EBF1: variants seen among roughly 807,000 people sequenced by gnomAD.
EBF1 encodes the protein EBF transcription factor 1, also known as transcription factor COE1.
In EBF1, 10 loss-of-function variants were observed where a neutral mutation model predicts 68.4. The observed-to-expected ratio is 0.15, with a 90% CI of 0.09 to 0.25. The LOEUF (loss-of-function observed/expected upper bound fraction) is 0.25, where lower values mean the gene tolerates loss of function less well. Among genes scored for constraint, EBF1 ranks in the 10% least tolerant of loss-of-function variants. EBF1 has a pLI of 1.00. For synonymous variants in EBF1, 298 were observed against 299.8 expected, an observed-to-expected ratio of 0.99 and a Z score of 0.06; for missense variants, 509 against 794.4, an observed-to-expected ratio of 0.64 and a Z score of 4.32.
intron 1 of EBF1, among the ~76,000 whole-genome samples, chr5:159,098,928 GAGAA>G (rs752355108): frequency 8.0e-5 from 12 of 149,326 alleles, no homozygotes; most frequent in Admixed American, 1.3e-4. Context: ...AAGGAAGGAA[GAGAA>G]AGAAAGAAAG....
intron 7 of EBF1, among the ~76,000 whole-genome samples, chr5:158,826,613 T>C (rs1379622959): frequency 1.3e-5 from 2 of 152,214 alleles, no homozygotes; most frequent in Non-Finnish European, 2.9e-5. Context: ...AATCACTATA[T>C]TTTTGGAATG....
intron 6 of EBF1, among the ~76,000 whole-genome samples, chr5:158,855,163 T>A (rs1014549616): frequency 5.9e-5 from 9 of 152,208 alleles, no homozygotes; most frequent in African/African-American, 2.2e-4. Flanking sequence ...GAGGATAAAC[T>A]TCCTTGTATC....
At chr5:158,745,625 A>G (rs1047037868) in intron 10 of EBF1, among the ~76,000 whole-genome samples, 2 of 152,230 alleles carry the variant, frequency 1.3e-5, no homozygotes, top group Non-Finnish European at 2.9e-5. Flanking sequence ...AAAGGCTTTC[A>G]TAATCTCATT....
At chr5:158,812,903 A>T (rs1029257835) in intron 8 of EBF1, among the ~76,000 whole-genome samples, 6 of 152,196 alleles carry the variant, frequency 3.9e-5, no homozygotes, top group African/African-American at 9.6e-5. Flanking sequence ...TTTATTTTTT[A>T]AAATCCTGTT....
intron 15 of EBF1, among the ~76,000 whole-genome samples, chr5:158,705,895 C>T (rs1213270964): frequency 6.6e-6 from 1 of 152,228 alleles, no homozygotes; most frequent in Non-Finnish European, 1.5e-5. Flanking sequence ...TGATTATAAA[C>T]CCCATCATAT....
chr5:159,021,403 T>G (rs1584005652), intron 6 of EBF1, among the ~76,000 whole-genome samples: 1 of 152,214 alleles, frequency 6.6e-6, no homozygotes, highest in African/African-American at 2.4e-5. Context: ...GAATTCTCAT[T>G]GGCATTCTAA....
At chr5:158,904,469 T>C (rs891970714) in intron 6 of EBF1, among the ~76,000 whole-genome samples, 3 of 152,216 alleles carry the variant, frequency 2.0e-5, no homozygotes, top group African/African-American at 7.2e-5. Context: ...TTATTTGGGA[T>C]ACAGAGCCTT....
At chr5:158,982,066 T>G (rs963953626) in intron 6 of EBF1, among the ~76,000 whole-genome samples, 2 of 152,176 alleles carry the variant, frequency 1.3e-5, no homozygotes, top group Non-Finnish European at 2.9e-5. Flanking sequence ...GATTTCATTG[T>G]CAAATTATGG....
At chr5:159,008,296 C>T (rs1211876406) in intron 6 of EBF1, among the ~76,000 whole-genome samples, 1 of 152,100 alleles carries the variant, frequency 6.6e-6, no homozygotes, top group Non-Finnish European at 1.5e-5. Context: ...GTGTTCATCA[C>T]ATGATATTTA....
In EBF1 at chr5:158,712,329, G is replaced by A. The variant is rs754162618; in HGVS notation, c.1374C>T (p.Phe458=). Residue 458 remains phenylalanine, a synonymous_variant, in exon 14 of 16, where the codon TTC becomes TTT. Transcript: ENST00000313708. ...GTGATACGCTGCTTGAGTTGCGGGTGAAACCTGAGGGGCGGGGGCAAAACC... is the reference window on the plus strand; with the variant it reads ...GTGATACGCTGCTTGAGTTGCGGGTAAAACCTGAGGGGCGGGGGCAAAACC... ...SEASQATNQG[F]TRNSSSVSPH... 5.6e-6 allele frequency: 9 copies of A among 1,613,732 alleles called. No homozygotes were observed. Among genetic ancestry groups the A allele is most frequent in the Middle Eastern group, 1.7e-4 (1 of 6,056 alleles).
chr5:159,075,659 C>A (rs1778636166), intron 5 of EBF1, among the ~76,000 whole-genome samples: 1 of 152,228 alleles, frequency 6.6e-6, no homozygotes, highest in South Asian at 2.1e-4. Flanking sequence ...TGACCCCCTG[C>A]AATAGCCAGA....
At chr5:159,051,559 G>C (rs1219027792) in intron 6 of EBF1, among the ~76,000 whole-genome samples, 1 of 151,458 alleles carries the variant, frequency 6.6e-6, no homozygotes, top group African/African-American at 2.4e-5. Flanking sequence ...CTCGCTACGT[G>C]TCGCTAACAA....
intron 6 of EBF1, among the ~76,000 whole-genome samples, chr5:158,958,282 C>T (rs1445327927): frequency 2.6e-5 from 4 of 152,156 alleles, no homozygotes; most frequent in Non-Finnish European, 5.9e-5. Flanking sequence ...GAGGGAGAAT[C>T]AAAGTTTTCT....
At chr5:159,006,647 TAAAAAA>T (rs36045942) in intron 6 of EBF1, among the ~76,000 whole-genome samples, 2,791 of 56,014 alleles carry the variant, frequency 0.05, 87 homozygotes, top group Middle Eastern at 0.14. Flanking sequence ...ATAGCCATGT[TAAAAAA>T]AAAAAAAAAA....
chr5:158,707,242 C>T (rs1241479273), intron 15 of EBF1, among the ~76,000 whole-genome samples: 1 of 152,128 alleles, frequency 6.6e-6, no homozygotes, highest in Non-Finnish European at 1.5e-5. Flanking sequence ...GTGCTAAGCT[C>T]ATAAGAAAAA....
chr5:159,011,167 A>G (rs997860005), intron 6 of EBF1, among the ~76,000 whole-genome samples: 1 of 152,184 alleles, frequency 6.6e-6, no homozygotes, highest in Non-Finnish European at 1.5e-5. Flanking sequence ...TTTTATGAAA[A>G]CCCAGCTTAA....
At chr5:158,789,829 A>G (rs1240811262) in intron 9 of EBF1, among the ~76,000 whole-genome samples, 2 of 152,208 alleles carry the variant, frequency 1.3e-5, no homozygotes, top group East Asian at 3.8e-4. Context: ...CCACTCTTGA[A>G]TATCATAGGG....
chr5:158,962,178 A>G (rs979819832), intron 6 of EBF1, among the ~76,000 whole-genome samples: 2 of 152,152 alleles, frequency 1.3e-5, no homozygotes, highest in African/African-American at 4.8e-5. Context: ...CAACATTGTC[A>G]ACAACTAGCC....
At chr5:158,997,285 C>T (rs1266364711) in intron 6 of EBF1, among the ~76,000 whole-genome samples, 1 of 152,104 alleles carries the variant, frequency 6.6e-6, no homozygotes, top group Non-Finnish European at 1.5e-5. Context: ...AGACTGGGAC[C>T]CTCTAAAGAG....
Sources: gnomAD v4.1 joint callset for allele counts (sites outside exome capture counted in the v4.1 genomes callset) on GRCh38, gnomAD v4.1.1 for gene constraint, MANE v1.5 for transcripts, NCBI Gene and HGNC (gene_info 2026-07-23, HGNC 2026-07-21) for gene names.